The following KIF26B variants were observed in gnomAD, a reference collection of about 807,000 sequenced individuals.
KIF26B encodes the protein kinesin-like protein KIF26B.
A neutral mutation model predicts 151.2 loss-of-function variants in KIF26B; 63 were observed. That is an observed-to-expected ratio of 0.42 (90% CI 0.34 to 0.51). KIF26B has a LOEUF of 0.51. Among genes scored for constraint, KIF26B ranks in the 20% least tolerant of loss-of-function variants. KIF26B has a pLI of 0.07. For synonymous variants in KIF26B, 1,357 were observed against 1,262.1 expected (o/e 1.08, Z -1.59); for missense variants, 2,813 against 2,913.6 (o/e 0.97, Z 0.79).
At chr1:245,570,626 G>A (rs2043058397) in intron 5 of KIF26B, among the ~76,000 whole-genome samples, 1 of 152,214 alleles carries the variant, frequency 6.6e-6, no homozygotes, top group South Asian at 2.1e-4. Flanking sequence ...GGCCAGGAAA[G>A]GCTTTTCAGA....
intron 2 of KIF26B, among the ~76,000 whole-genome samples, chr1:245,204,151 T>A (rs1248151395): frequency 3.3e-5 from 5 of 152,162 alleles, no homozygotes; most frequent in Non-Finnish European, 7.3e-5. Context: ...GGCAGTGACA[T>A]ACTGGCTAGG....
chr1:245,369,402 C>A (rs1384943231), intron 3 of KIF26B, among the ~76,000 whole-genome samples: 1 of 152,116 alleles, frequency 6.6e-6, no homozygotes, highest in Non-Finnish European at 1.5e-5. Context: ...TTCTCTAGAG[C>A]GTTTGAGAGT....
At chr1:245,373,234 A>G (rs1029071660) in intron 3 of KIF26B, among the ~76,000 whole-genome samples, 1 of 152,222 alleles carries the variant, frequency 6.6e-6, no homozygotes, top group East Asian at 1.9e-4. Flanking sequence ...GGGATGCACT[A>G]CAATTACTTT....
At chr1:245,588,658 A>G (rs1558226835) in intron 5 of KIF26B, among the ~76,000 whole-genome samples, 1 of 152,218 alleles carries the variant, frequency 6.6e-6, no homozygotes, top group African/African-American at 2.4e-5. Flanking sequence ...AAAACTTGAA[A>G]ATGAAGGAAC....
At chr1:245,214,097 T>C (rs1420442343) in intron 2 of KIF26B, 1 of 152,194 alleles carries the variant, frequency 6.6e-6, no homozygotes, top group African/African-American at 2.4e-5. Context: ...TTGAAATAGA[T>C]GTTTCAGTGG....
At chr1:245,343,506 T>C (rs1372115554) in intron 2 of KIF26B, among the ~76,000 whole-genome samples, 8 of 152,212 alleles carry the variant, frequency 5.3e-5, no homozygotes, top group African/African-American at 1.7e-4. Context: ...AAAATGAATA[T>C]AGAATTTTCA....
chr1:245,440,004 G>A (rs968628235), intron 4 of KIF26B, among the ~76,000 whole-genome samples: 6 of 152,162 alleles, frequency 3.9e-5, no homozygotes, highest in Non-Finnish European at 8.8e-5. Context: ...GGCAGATCAC[G>A]AGGTGAGGAG....
At chr1:245,363,819 C>T (rs1672876493) in intron 2 of KIF26B, among the ~76,000 whole-genome samples, 3 of 152,158 alleles carry the variant, frequency 2.0e-5, no homozygotes, top group African/African-American at 7.2e-5. Flanking sequence ...TACTTCCTGG[C>T]TGTCTGTGGC....
intron 4 of KIF26B, among the ~76,000 whole-genome samples, chr1:245,532,975 TTACATGTGGATGAA>T (rs1388162032): frequency 1.3e-5 from 2 of 152,214 alleles, no homozygotes; most frequent in African/African-American, 4.8e-5. Context: ...ATGGTGTTTG[TTACATGTGGATGAA>T]TATCTTCACT....
chr1:245,623,117 A>G (rs1264984536), intron 9 of KIF26B, among the ~76,000 whole-genome samples: 1 of 148,720 alleles, frequency 6.7e-6, no homozygotes, highest in Non-Finnish European at 1.5e-5. Flanking sequence ...ATTAAATCAT[A>G]TAACTTGATG....
chr1:245,419,683 G>A lies in KIF26B; in HGVS notation c.1104G>A (p.Gln368=). ...KPSACSVPAS[Q]GSCVASETST... is the part of the protein sequence containing the mutation. ...CCGCCTGCAGTGTCCCAGCCTCGCA[G>A]GGCTCCTGCGTGGCCAGCGAGACTT... Residue 368 remains glutamine, a synonymous_variant, in exon 4 of 15, where the codon CAG becomes CAA. Coordinates refer to ENST00000407071, the MANE Select transcript of KIF26B (RefSeq NM_018012.4). 6.2e-7 allele frequency: 1 copy of A among 1,613,812 alleles called. No homozygotes were observed. The highest frequency in any genetic ancestry group is 1.1e-5 in the South Asian group (1 of 91,054).
At chr1:245,493,494 C>A (rs1268915247) in intron 4 of KIF26B, among the ~76,000 whole-genome samples, 1 of 152,218 alleles carries the variant, frequency 6.6e-6, no homozygotes, top group African/African-American at 2.4e-5. Context: ...CTGCCGTTGA[C>A]CAGTAATAGA....
intron 4 of KIF26B, among the ~76,000 whole-genome samples, chr1:245,437,248 G>A (rs190455000): frequency 1.4e-3 from 212 of 152,224 alleles, no homozygotes; most frequent in Middle Eastern, 0.01. Flanking sequence ...CTCTCAGGTG[G>A]CACTCACCCA....
chr1:245,313,997 C>A (rs915134562), intron 2 of KIF26B, among the ~76,000 whole-genome samples: 1 of 152,152 alleles, frequency 6.6e-6, no homozygotes, highest in Non-Finnish European at 1.5e-5. Flanking sequence ...TCTCGCTCTC[C>A]GCACCTGCTG....
intron 5 of KIF26B, among the ~76,000 whole-genome samples, chr1:245,583,226 C>T (rs989617431): frequency 5.9e-5 from 9 of 152,146 alleles, no homozygotes; most frequent in Non-Finnish European, 7.3e-5. Context: ...GTTTTCTACC[C>T]GGACTTAAAG....
At position 245,540,479 on chromosome 1, in the gene KIF26B, C is replaced by T; in HGVS notation, c.1167-288C>T. The T allele has an allele frequency of 1.6e-6, 1 of 623,834 alleles. No homozygotes were observed. Among genetic ancestry groups the T allele is most frequent in the Non-Finnish European group, 3.0e-6 (1 of 336,114 alleles). 38.6% of individuals were successfully genotyped at this position (623,834 alleles called of 1,614,324 possible). A position where few individuals can be genotyped will look rare whatever the true frequency, so the allele number is the denominator to read the frequency against. On this transcript the variant is annotated intron_variant, in intron 4 of 14. Coordinates refer to ENST00000407071, the MANE Select transcript of KIF26B (RefSeq NM_018012.4). The surrounding 1 kb of genome is among the most constrained non-coding windows in gnomAD (Gnocchi z 4.6). ...TCCCCAAAGATGCCCAGCTTTGTTC[C>T]TGCTTAAGCTGAATGTTGGTGGATA...
At chr1:245,577,360 A>ACGG (rs1287214958) in intron 5 of KIF26B, among the ~76,000 whole-genome samples, 2 of 151,524 alleles carry the variant, frequency 1.3e-5, no homozygotes, top group Non-Finnish European at 3.0e-5. Context: ...GGCATAAGAC[A>ACGG]CGGGTGTCCC....
chr1:245,567,902 G>T (rs1175146558), intron 5 of KIF26B, among the ~76,000 whole-genome samples: 3 of 151,958 alleles, frequency 2.0e-5, no homozygotes, highest in African/African-American at 7.3e-5. Flanking sequence ...TTCTTAAAGG[G>T]GCCGGGCACG....
chr1:245,385,771 G>A (rs539050445), intron 3 of KIF26B, among the ~76,000 whole-genome samples: 2 of 152,350 alleles, frequency 1.3e-5, no homozygotes, highest in East Asian at 3.9e-4. Flanking sequence ...GGGGAAGGCT[G>A]CTTCTCCAAC....
Sources: gnomAD v4.1 joint callset for allele counts (sites outside exome capture counted in the v4.1 genomes callset) on GRCh38, gnomAD v4.1.1 for gene constraint, Gnocchi (gnomAD v3.1) non-coding constraint, MANE v1.5 for transcripts, NCBI Gene and HGNC (gene_info 2026-07-23, HGNC 2026-07-21) for gene names.